PDE1C: variants seen among roughly 807,000 people sequenced by gnomAD.
PDE1C encodes phosphodiesterase 1C.
Under a neutral mutation model 93.1 loss-of-function variants are expected in PDE1C, and 62 were observed. That is an observed-to-expected ratio of 0.67 (90% CI 0.54 to 0.82). PDE1C has a LOEUF of 0.82. PDE1C is among the 40% of genes least tolerant of loss of function. The pLI is 0.00. For synonymous variants in PDE1C, 325 were observed against 310.1 expected, an observed-to-expected ratio of 1.05 and a Z score of -0.50; for missense variants, 742 against 884.6, an observed-to-expected ratio of 0.84 and a Z score of 2.04.
the PDE1C span, among the ~76,000 whole-genome samples, chr7:31,659,835 C>T: frequency 1.3e-5 from 2 of 152,268 alleles, no homozygotes; most frequent in East Asian, 1.9e-4. Flanking sequence ...TTTTAGCTTT[C>T]ATAACATCTG....
the PDE1C span, among the ~76,000 whole-genome samples, chr7:31,713,443 G>A: frequency 3.5e-3 from 530 of 152,330 alleles, 5 homozygotes; most frequent in African/African-American, 0.012. Context: ...ACAGTCTGGC[G>A]TCGAGTGTCT....
chr7:32,036,642 C>G (rs1791136158), intron 2 of PDE1C, among the ~76,000 whole-genome samples: 1 of 152,118 alleles, frequency 6.6e-6, no homozygotes, highest in African/African-American at 2.4e-5. Flanking sequence ...TATTGCAGAT[C>G]TTACAGATAT....
intron 1 of PDE1C, among the ~76,000 whole-genome samples, chr7:32,324,397 A>AC (rs1255265018): frequency 6.6e-6 from 1 of 152,110 alleles, no homozygotes; most frequent in African/African-American, 2.4e-5. Flanking sequence ...CAGTCGGAGG[A>AC]CCCCACTTAC....
At chr7:32,402,332 G>C (rs1218327062) in intron 1 of PDE1C, among the ~76,000 whole-genome samples, 1 of 152,044 alleles carries the variant, frequency 6.6e-6, no homozygotes, top group Non-Finnish European at 1.5e-5. Context: ...CAAACTGGAG[G>C]CCCAAGAAAG....
At chr7:31,911,763 T>C (rs149374465) in intron 2 of PDE1C, among the ~76,000 whole-genome samples, 42 of 152,308 alleles carry the variant, frequency 2.8e-4, no homozygotes, top group South Asian at 8.3e-4. Flanking sequence ...AAACTGAGGC[T>C]GAGAGAAGGT....
chr7:32,344,796 G>A (rs753207832), intron 1 of PDE1C, among the ~76,000 whole-genome samples: 13 of 152,056 alleles, frequency 8.5e-5, no homozygotes, highest in Admixed American at 3.3e-4. Context: ...CGAGAGCAAG[G>A]ATTTTTGTCT....
At chr7:31,850,499 G>A (rs1583599290) in intron 8 of PDE1C, 142 bp downstream of exon 8, 1 of 639,094 alleles carries the variant, frequency 1.6e-6, no homozygotes, top group Non-Finnish European at 2.8e-6. Context: ...TGATCAGACT[G>A]ATCTCTCATT....
chr7:31,839,225 C>T (rs886297883), intron 9 of PDE1C, among the ~76,000 whole-genome samples: 3 of 146,888 alleles, frequency 2.0e-5, no homozygotes, highest in Admixed American at 6.9e-5. Context: ...TGTATACATA[C>T]GTATATGTAT....
At position 31,954,670 on chromosome 7, in the gene PDE1C, T is replaced by C. The variant is rs74809000; in HGVS notation, c.129-73810A>G. On this transcript the variant is annotated intron_variant, in intron 2 of 17. Coordinates refer to ENST00000396191, the MANE Select transcript of PDE1C (RefSeq NM_001191057.4). ...TTTTCTCCACTTATCTGTAACAGCTTGGTTTATCACACAAAACCACCATAG... is the reference window on the plus strand; with the variant it reads ...TTTTCTCCACTTATCTGTAACAGCTCGGTTTATCACACAAAACCACCATAG... Among the ~76,000 whole-genome samples, 86 of 152,350 alleles carry C rather than the reference T, an allele frequency of 5.6e-4. No individual in the cohort carries two copies. The East Asian group carries it at 0.015, about 26-fold the overall frequency.
intron 2 of PDE1C, among the ~76,000 whole-genome samples, chr7:31,911,361 C>T (rs536325481): frequency 6.6e-6 from 1 of 152,170 alleles, no homozygotes; most frequent in East Asian, 1.9e-4. Context: ...TACTTGTGGC[C>T]TTTCTACCTG....
the PDE1C span, among the ~76,000 whole-genome samples, chr7:31,735,568 G>C: frequency 6.6e-6 from 1 of 152,162 alleles, no homozygotes; most frequent in African/African-American, 2.4e-5. Context: ...GTGGATGTTA[G>C]GTGACATTGT....
intron 1 of PDE1C, 82 bp downstream of exon 1, chr7:32,070,211 T>A: frequency 6.3e-7 from 1 of 1,595,088 alleles, no homozygotes; most frequent in East Asian, 2.2e-5. Flanking sequence ...AGGAACAGGG[T>A]GAGCAGTCGT....
rs111620452 is a variant in PDE1C, at chr7:32,338,854, T to G, written c.310+88968A>C. 2.3e-3 allele frequency among the ~76,000 whole-genome samples: 348 copies of G among 152,056 alleles called. 1 individual carries two copies. The highest frequency in any genetic ancestry group is 8.2e-3 in the African/African-American group (340 of 41,436). The stretch of plus-strand genomic sequence containing the variant: ...CCGTCTCTACTAAAAATACAAAAAA[T>G]TAGCCAAGCGTGGTGGCGGGCGCCT... On this transcript the variant is annotated intron_variant, in intron 1 of 1. Coordinates refer to the PDE1C transcript ENST00000672256.
intron 2 of PDE1C, among the ~76,000 whole-genome samples, chr7:32,192,769 G>A (rs1178053322): frequency 6.6e-6 from 1 of 151,964 alleles, no homozygotes; most frequent in African/African-American, 2.4e-5. Context: ...ATAATTATAG[G>A]GAGAACTGAC....
intron 1 of PDE1C, among the ~76,000 whole-genome samples, 172 bp from the exon 2 acceptor site, chr7:32,051,752 T>C (rs772126193): frequency 1.1e-4 from 17 of 152,168 alleles, no homozygotes; most frequent in South Asian, 1.0e-3. Context: ...CTGTGTTATA[T>C]TGTAGTCAGA....
intron 3 of PDE1C, among the ~76,000 whole-genome samples, chr7:32,149,874 C>A (rs1801130560): frequency 6.6e-6 from 1 of 152,170 alleles, no homozygotes; most frequent in African/African-American, 2.4e-5. Context: ...GCTTAGCCTT[C>A]CTGCCCACCC....
At chr7:32,236,727 C>T (rs1379937284) in intron 1 of PDE1C, among the ~76,000 whole-genome samples, 1 of 152,194 alleles carries the variant, frequency 6.6e-6, no homozygotes, top group East Asian at 1.9e-4. Flanking sequence ...CAAAATAGTA[C>T]AGCCACTCTG....
the PDE1C span, chr7:31,696,880 A>T: frequency 7.0e-7 from 1 of 1,434,358 alleles, no homozygotes; most frequent in Non-Finnish European, 9.5e-7. Context: ...TGTCTTCACC[A>T]GATGTCTATA....
chr7:32,175,638 G>A (rs151233384), intron 2 of PDE1C, among the ~76,000 whole-genome samples: 218 of 152,300 alleles, frequency 1.4e-3, no homozygotes, highest in African/African-American at 4.6e-3. Flanking sequence ...AATTGATTTA[G>A]ACTAGAGCCA....
Sources: gnomAD v4.1 joint callset for allele counts (sites outside exome capture counted in the v4.1 genomes callset) on GRCh38, gnomAD v4.1.1 for gene constraint, MANE v1.5 for transcripts, NCBI Gene and HGNC (gene_info 2026-07-23, HGNC 2026-07-21) for gene names.